Variants in DAB1 observed in about 807,000 individuals in gnomAD.
DAB1 encodes the protein disabled homolog 1.
In DAB1, 15 loss-of-function variants were observed where a neutral mutation model predicts 64.6. That is an observed-to-expected ratio of 0.23 (90% CI 0.16 to 0.36). DAB1 has a LOEUF of 0.36. DAB1 is among the 10% of genes least tolerant of loss of function. The pLI, the probability that DAB1 is intolerant of heterozygous loss-of-function variation, is 1.00. For missense variants in DAB1, 596 were observed against 706.7 expected (o/e 0.84, Z 1.78); for synonymous variants, 235 against 251.9 (o/e 0.93, Z 0.64).
chr1:58,298,322 T>C (rs1398194885), intron 4 of DAB1, among the ~76,000 whole-genome samples: 2 of 152,214 alleles, frequency 1.3e-5, no homozygotes, highest in Non-Finnish European at 2.9e-5. Flanking sequence ...ATTCCACCAC[T>C]GTCTTTACTT....
chr1:57,869,605 C>T (rs1447353837), intron 1 of DAB1, among the ~76,000 whole-genome samples: 2 of 152,080 alleles, frequency 1.3e-5, no homozygotes, highest in African/African-American at 4.8e-5. Context: ...AAGTCAAAGT[C>T]ACGTGCCAGC....
intron 1 of DAB1, among the ~76,000 whole-genome samples, chr1:57,357,547 G>A (rs1010647580): frequency 2.8e-5 from 2 of 71,862 alleles, no homozygotes; most frequent in African/African-American, 1.1e-4. Context: ...GGTAGCTATT[G>A]TAAATGGGAT....
At chr1:57,307,993 T>TG (rs1219129792) in intron 1 of DAB1, among the ~76,000 whole-genome samples, 1 of 152,202 alleles carries the variant, frequency 6.6e-6, no homozygotes, top group Non-Finnish European at 1.5e-5. Context: ...ATGAGAGCTG[T>TG]GGGGTCACTA....
At chr1:58,534,893 G>A (rs536468532) in intron 1 of DAB1, among the ~76,000 whole-genome samples, 7 of 152,228 alleles carry the variant, frequency 4.6e-5, no homozygotes, top group South Asian at 4.1e-4. Context: ...CTGAGATCTC[G>A]CCACTGCACT....
chr1:58,342,206 C>A (rs1160021248), intron 4 of DAB1, among the ~76,000 whole-genome samples: 1 of 152,126 alleles, frequency 6.6e-6, no homozygotes, highest in African/African-American at 2.4e-5. Flanking sequence ...AAGACAGTAG[C>A]ACTTGAGTTT....
At chr1:57,253,194 G>C (rs144417528) in intron 2 of DAB1, among the ~76,000 whole-genome samples, 1 of 152,140 alleles carries the variant, frequency 6.6e-6, no homozygotes, top group African/African-American at 2.4e-5. Flanking sequence ...TCTGCCTATG[G>C]ATGTGCATTA....
At chr1:57,991,504 A>G (rs1417217256) in intron 5 of DAB1, among the ~76,000 whole-genome samples, 5 of 152,064 alleles carry the variant, frequency 3.3e-5, no homozygotes, top group African/African-American at 4.8e-5. Flanking sequence ...CAGTACTGTG[A>G]CTGCCGAAGC....
chr1:57,423,287 A>G (rs1173407406), intron 1 of DAB1, among the ~76,000 whole-genome samples: 1 of 150,940 alleles, frequency 6.6e-6, no homozygotes, highest in East Asian at 2.0e-4. Context: ...ATGGAGGGGG[A>G]CGAGCGGCAG....
At chr1:57,082,033 A>G (rs1446808873) in intron 4 of DAB1, among the ~76,000 whole-genome samples, 2 of 152,224 alleles carry the variant, frequency 1.3e-5, no homozygotes, top group Non-Finnish European at 2.9e-5. Flanking sequence ...CATAGAAGCA[A>G]TGAAACCCCA....
At chr1:58,466,561 C>T (rs1208899988) in intron 3 of DAB1, among the ~76,000 whole-genome samples, 1 of 152,116 alleles carries the variant, frequency 6.6e-6, no homozygotes, top group Non-Finnish European at 1.5e-5. Flanking sequence ...GGGAAGAATG[C>T]ACAAGCAGCT....
At chr1:58,392,866 T>C (rs943209998) in intron 3 of DAB1, among the ~76,000 whole-genome samples, 1 of 152,226 alleles carries the variant, frequency 6.6e-6, no homozygotes, top group Non-Finnish European at 1.5e-5. Context: ...TCTCAGATCT[T>C]ACTCCTTCTT....
chr1:57,590,310 T>TTTTATTTATTTATTTA (rs58148255), intron 7 of DAB1, among the ~76,000 whole-genome samples: 119 of 151,180 alleles, frequency 7.9e-4, no homozygotes, highest in African/African-American at 2.8e-3. Flanking sequence ...TTTTCTTTTC[T>TTTTATTTATTTATTTA]TTTATTTATT....
chr1:58,019,489 T>C (rs954536797), intron 5 of DAB1, among the ~76,000 whole-genome samples: 7 of 152,192 alleles, frequency 4.6e-5, no homozygotes, highest in Non-Finnish European at 1.0e-4. Flanking sequence ...CTACGTACTA[T>C]GAATTACTAT....
intron 2 of DAB1, among the ~76,000 whole-genome samples, chr1:58,513,948 G>C (rs553068713): frequency 1.3e-5 from 2 of 152,088 alleles, no homozygotes; most frequent in African/African-American, 4.8e-5. Context: ...TTTTGCCCCT[G>C]GGTCAATAAT....
chr1:57,314,143 C>T (rs928840767), intron 1 of DAB1, among the ~76,000 whole-genome samples: 19 of 152,194 alleles, frequency 1.2e-4, no homozygotes, highest in African/African-American at 2.7e-4. Flanking sequence ...TTGTTCCCTA[C>T]GCAATTTACT....
chr1:57,212,736 A>G (rs182380235), intron 2 of DAB1, among the ~76,000 whole-genome samples: 2 of 152,268 alleles, frequency 1.3e-5, no homozygotes, highest in Non-Finnish European at 2.9e-5. Context: ...ACAACTTCCT[A>G]TGAAATAGGT....
At position 57,497,739 on chromosome 1, in the gene DAB1, G is replaced by T. The variant is rs2000140; in HGVS notation, n.625+151853C>A. Among the ~76,000 whole-genome samples the T allele has an allele frequency of 1.1e-4, 16 of 152,192 alleles. No homozygotes were observed. The South Asian group carries it at 2.5e-3, about 24-fold the overall frequency. On this transcript the variant is annotated intron_variant and non_coding_transcript_variant, in intron 7 of 20. Transcript: ENST00000485760. ...CAAGAAGGGGTAATGGCAGAGGGCC[G>T]GTTTCATATGGATGGAGGAATAGAT...
intron 4 of DAB1, among the ~76,000 whole-genome samples, chr1:58,287,318 G>A (rs1661707625): frequency 1.3e-5 from 2 of 152,026 alleles, no homozygotes; most frequent in Non-Finnish European, 2.9e-5. Context: ...ATGGACCCTG[G>A]AACTTAAAAT....
At chr1:58,075,928 TTCTC>T (rs78789912) in intron 5 of DAB1, among the ~76,000 whole-genome samples, 2 of 149,762 alleles carry the variant, frequency 1.3e-5, no homozygotes, top group African/African-American at 2.5e-5. Flanking sequence ...TTACAAGTCT[TTCTC>T]TCTCTCTCTC....
Sources: gnomAD v4.1 joint callset for allele counts (sites outside exome capture counted in the v4.1 genomes callset) on GRCh38, gnomAD v4.1.1 for gene constraint, MANE v1.5 for transcripts, NCBI Gene and HGNC (gene_info 2026-07-23, HGNC 2026-07-21) for gene names.